The following XYLT2 variants were observed in gnomAD, a reference collection of about 807,000 sequenced individuals.
XYLT2 encodes the protein xylosyltransferase 2.
XYLT2 carries 37 observed loss-of-function variants against 82.6 expected under a neutral mutation model. That is an observed-to-expected ratio of 0.45 (90% CI 0.34 to 0.59). XYLT2 has a LOEUF of 0.59. XYLT2 is among the 20% of genes least tolerant of loss of function. The probability of loss-of-function intolerance (pLI) is 0.01; values close to 1 mark genes in which losing one functional copy is unlikely to be tolerated. For missense variants in XYLT2, 934 were observed against 1,181.3 expected (o/e 0.79, Z 3.07); for synonymous variants, 474 against 499.0 (o/e 0.95, Z 0.67).
intron 1 of XYLT2, among the ~76,000 whole-genome samples, chr17:50,348,286 C>A (rs1235025535): frequency 6.6e-6 from 1 of 152,136 alleles, no homozygotes. Flanking sequence ...TGGCTTAGAT[C>A]AGGGGGTCAG....
rs184856639 is a variant in XYLT2, at chr17:50,346,373, G to C, written c.135+98G>C. 0.027 allele frequency: 26,462 copies of C among 984,526 alleles called. 1,436 individuals are homozygous for C. Among genetic ancestry groups the C allele is most frequent in the African/African-American group, 0.21 (11,871 of 56,986 alleles). 61.0% of individuals were successfully genotyped at this position (984,526 alleles called of 1,614,324 possible). A position where few individuals can be genotyped will look rare whatever the true frequency, so the allele number is the denominator to read the frequency against. ...CCCCAGCCGGGGAAGTGGGGCACGG[G>C]CCGCGTGCGTGCGTGCGGGGCGCCG... On this transcript the variant is annotated intron_variant, in intron 1 of 10. Coordinates refer to ENST00000017003, the MANE Select transcript of XYLT2 (RefSeq NM_022167.4). The surrounding 1 kb of genome is among the most constrained non-coding windows in gnomAD (Gnocchi z 5.1).
At chr17:50,348,695 ATTTCTGTGTTCACCC>A (rs989841112) in intron 1 of XYLT2, among the ~76,000 whole-genome samples, 31 of 152,270 alleles carry the variant, frequency 2.0e-4, no homozygotes, top group African/African-American at 7.2e-4. Flanking sequence ...TGGGGGGAGC[ATTTCTGTGTTCACCC>A]TTTCTGTGAC....
Position 50,346,467 on chromosome 17 carries a change from CG to C in XYLT2, c.135+197del. On this transcript the variant is annotated intron_variant, in intron 1 of 10. Coordinates refer to ENST00000017003, the MANE Select transcript of XYLT2 (RefSeq NM_022167.4). The surrounding 1 kb of genome is among the most constrained non-coding windows in gnomAD (Gnocchi z 5.1). Reference sequence around the variant, plus strand: ...CCCAGCAGGCCTAGGGAGCTGCGCGCGGGGGCAGTGCGTGACCTGGAGACCC... The same window carrying C: ...CCCAGCAGGCCTAGGGAGCTGCGCGCGGGGCAGTGCGTGACCTGGAGACCC... 1.2e-6 allele frequency: 1 copy of C among 845,414 alleles called. No individual in the cohort carries two copies. Among genetic ancestry groups the C allele is most frequent in the African/African-American group, 1.8e-5 (1 of 54,780 alleles). 52.4% of individuals were successfully genotyped at this position (845,414 alleles called of 1,614,324 possible). A position where few individuals can be genotyped will look rare whatever the true frequency, so the allele number is the denominator to read the frequency against.
rs1455709898 is a variant in XYLT2, at chr17:50,360,036, G to A, written c.2343G>A (p.Leu781=). 25 of 1,613,824 alleles carry A rather than the reference G, an allele frequency of 1.5e-5. No homozygotes were observed. The highest frequency in any genetic ancestry group is 2.0e-5 in the Non-Finnish European group (24 of 1,179,978). ...ACATGGAGCAGAGTTTCCAGGGCCT[G>A]AGTAGCATCCTGAACCTGCCTCAGC... ...NEYMEQSFQG[L]SSILNLPQPE... The change falls in exon 11 of 11, where the codon CTG becomes CTA. Residue 781 remains leucine, a synonymous_variant. Coordinates refer to ENST00000017003, the MANE Select transcript of XYLT2 (RefSeq NM_022167.4).
Position 50,354,589 on chromosome 17 carries a change from G to A in XYLT2, c.804+6G>A. 6.2e-7 allele frequency: 1 copy of A among 1,600,838 alleles called. No homozygotes were observed. ...TTTACATCCATGTGGACAAGGTACT[G>A]TGGTGGGGAGAGGCCAAGGGGTCTG... On this transcript the variant is annotated splice_donor_region_variant and intron_variant, in intron 3 of 10. Coordinates refer to ENST00000017003, the MANE Select transcript of XYLT2 (RefSeq NM_022167.4).
At chr17:50,349,489 C>T (rs1912166647) in intron 1 of XYLT2, among the ~76,000 whole-genome samples, 1 of 152,216 alleles carries the variant, frequency 6.6e-6, no homozygotes, top group East Asian at 1.9e-4. Flanking sequence ...TGGCTCATGC[C>T]TGTAATCTCA....
At position 50,354,870 on chromosome 17, in the gene XYLT2, A is replaced by G; in HGVS notation, c.821A>G (p.His274Arg). 1 of 1,613,452 alleles carries G rather than the reference A, an allele frequency of 6.2e-7. No homozygotes were observed. Among genetic ancestry groups the G allele is most frequent in the Non-Finnish European group, 8.5e-7 (1 of 1,179,826 alleles). ...CCCCACCAGCGTTCCGACTACCTGC[A>G]CCGGGAGGTGGTGGAGCTGGCCCAG... ...IHVDKRSDYLHREVVELAQGY... is the reference protein window; with the variant it reads ...IHVDKRSDYLRREVVELAQGY... Residue 274 changes from histidine (H) to arginine (R), a missense_variant, in exon 4 of 11, where the codon CAC (histidine) becomes CGC (arginine). Transcript: ENST00000017003.
chr17:50,351,864 A>T (rs1322361170), intron 1 of XYLT2, among the ~76,000 whole-genome samples: 1 of 152,184 alleles, frequency 6.6e-6, no homozygotes, highest in Non-Finnish European at 1.5e-5. Flanking sequence ...AGAGAGGTCA[A>T]TCTGAGATTT....
rs1485308612 is a variant in XYLT2 at position 50,346,289 on chromosome 17, C to T, written c.135+14C>T. 2.8e-6 allele frequency: 3 copies of T among 1,078,268 alleles called. No individual in the cohort carries two copies. Among genetic ancestry groups the T allele is most frequent in the Admixed American group, 1.0e-4 (2 of 19,158 alleles). 66.8% of individuals were successfully genotyped at this position (1,078,268 alleles called of 1,614,324 possible). A position where few individuals can be genotyped will look rare whatever the true frequency, so the allele number is the denominator to read the frequency against. Reference sequence around the variant, plus strand: ...GAGGCGGGCGAGGTGCTCCGACGGCCGGGCGGGCGGGCAGGCCGGGCGCGG... The same window carrying T: ...GAGGCGGGCGAGGTGCTCCGACGGCTGGGCGGGCGGGCAGGCCGGGCGCGG... On this transcript the variant is annotated intron_variant, in intron 1 of 10. Coordinates refer to ENST00000017003, the MANE Select transcript of XYLT2 (RefSeq NM_022167.4). The surrounding 1 kb of genome is among the most constrained non-coding windows in gnomAD (Gnocchi z 5.1).
At chr17:50,356,967 G>C in intron 8 of XYLT2, 90 bp from the exon 9 acceptor site, 3 of 1,485,918 alleles carry the variant, frequency 2.0e-6, no homozygotes, top group Non-Finnish European at 2.7e-6. Flanking sequence ...AAGTGCCTGG[G>C]GATGGGACTC....
intron 1 of XYLT2, among the ~76,000 whole-genome samples, chr17:50,347,172 G>A (rs891417013): frequency 2.0e-5 from 3 of 152,208 alleles, no homozygotes; most frequent in Non-Finnish European, 4.4e-5. Context: ...CTGCGGAGAT[G>A]GAGAGGACAG....
At chr17:50,355,744 G>A in intron 5 of XYLT2, 37 bp from the exon 6 acceptor site, 1 of 1,610,838 alleles carries the variant, frequency 6.2e-7, no homozygotes, top group South Asian at 1.1e-5. Flanking sequence ...ACCCCACCCT[G>A]CAGGATCCCC....
At chr17:50,350,799 GGT>G (rs59958276) in intron 1 of XYLT2, among the ~76,000 whole-genome samples, 12,088 of 152,150 alleles carry the variant, frequency 0.079, 1,626 homozygotes, top group African/African-American at 0.28. Flanking sequence ...CAGTGGTCTG[GGT>G]GGCCCTACTG....
At chr17:50,350,507 G>A (rs12603511) in intron 1 of XYLT2, among the ~76,000 whole-genome samples, 1 of 110,452 alleles carries the variant, frequency 9.1e-6, no homozygotes, top group Non-Finnish European at 1.9e-5. Flanking sequence ...GCAGAGGTTG[G>A]AGTGAGCCGA....
intron 9 of XYLT2, chr17:50,357,983 C>T (rs1175301005): frequency 7.1e-6 from 4 of 563,038 alleles, no homozygotes; most frequent in Non-Finnish European, 1.3e-5. Flanking sequence ...ATAAGGGGGA[C>T]TGACCTCCAC....
chr17:50,354,440 A>T lies in XYLT2; in HGVS notation c.661A>T (p.Ser221Cys). The T allele has an allele frequency of 6.2e-7, 1 of 1,611,336 alleles. No homozygotes were observed. The change falls in exon 3 of 11, where the codon AGC becomes TGC. Residue 221 changes from serine to cysteine, a missense_variant. Around this residue, in one of 3 missense-constraint regions of XYLT2, gnomAD observed 371 missense variants for 394.9 expected, o/e 0.94. Transcript: ENST00000017003. ...GAGCCCCGGCATCCAGTGGGATGAG[A>T]GCCAAGCCCAGCAGCCCATGGATGG... ...KMSPGIQWDESQAQQPMDGPP... is the reference protein window; with the variant it reads ...KMSPGIQWDECQAQQPMDGPP...
At position 50,360,326 on chromosome 17, in the gene XYLT2, A is replaced by T; in HGVS notation, c.*35A>T. ...AGCCAGTACCCGTGGAGGACCCGGG[A>T]AATTGCACCTTACAGACAGTGGAGG... is the stretch of plus-strand genomic sequence containing the variant. On this transcript the variant is annotated 3_prime_UTR_variant, in exon 11 of 11. Transcript: ENST00000017003. 6.5e-7 allele frequency: 1 copy of T among 1,531,554 alleles called. No individual in the cohort carries two copies. The highest frequency in any genetic ancestry group is 8.8e-7 in the Non-Finnish European group (1 of 1,138,450). The allele number at this position is 1,531,554 out of a possible 1,614,324, so 94.9% of individuals were successfully genotyped here. A position where few individuals can be genotyped will look rare whatever the true frequency, so the allele number is the denominator to read the frequency against.
chr17:50,360,133 A>G lies in XYLT2; in HGVS notation c.2440A>G (p.Arg814Gly). The G allele has an allele frequency of 6.2e-7, 1 of 1,614,018 alleles. No homozygotes were observed. Among genetic ancestry groups the G allele is most frequent in the Non-Finnish European group, 8.5e-7 (1 of 1,179,972 alleles). ...CCCTGCGCTCGAGGCCTGGACAGAC[A>G]GGGAACTGAGCAGCTTCTGGTCCGT... ...TGPALEAWTD[R>G]ELSSFWSVAG... The change falls in exon 11 of 11, where the codon AGG (arginine) becomes GGG (glycine). Residue 814 changes from arginine (R) to glycine (G), a missense_variant. Physicochemically the swap from Arg to Gly is moderately radical, Grantham distance 125. Transcript: ENST00000017003.
chr17:50,352,090 T>C (rs1912295478), intron 1 of XYLT2, among the ~76,000 whole-genome samples: 1 of 152,130 alleles, frequency 6.6e-6, no homozygotes, highest in African/African-American at 2.4e-5. Context: ...GTCACGCTGC[T>C]GAAAGGCCAA....
Sources: gnomAD v4.1 joint callset for allele counts (sites outside exome capture counted in the v4.1 genomes callset) on GRCh38, gnomAD v4.1.1 for gene constraint, gnomAD v4.1.1 regional missense constraint, Gnocchi (gnomAD v3.1) non-coding constraint, MANE v1.5 for transcripts, NCBI Gene and HGNC (gene_info 2026-07-23, HGNC 2026-07-21) for gene names.